TMIGD1: variants seen among roughly 807,000 people sequenced by gnomAD.
TMIGD1 encodes the protein transmembrane and immunoglobulin domain containing 1.
Under a neutral mutation model 27.5 loss-of-function variants are expected in TMIGD1, and 29 were observed. That is an observed-to-expected ratio of 1.05 (90% CI 0.78 to 1.44). TMIGD1 has a LOEUF of 1.44. Ranked by LOEUF, TMIGD1 falls within the 40% of genes most tolerant of loss-of-function variation. TMIGD1 has a pLI of 0.00. For missense variants in TMIGD1, 334 were observed against 310.6 expected, an observed-to-expected ratio of 1.08 and a Z score of -0.57; for synonymous variants, 109 against 110.3, an observed-to-expected ratio of 0.99 and a Z score of 0.07.
At chr17:30,326,381 A>G (rs554717227) in intron 3 of TMIGD1, among the ~76,000 whole-genome samples, 1 of 152,298 alleles carries the variant, frequency 6.6e-6, no homozygotes, top group East Asian at 1.9e-4. Context: ...CCCCAGAGAT[A>G]CCCACTGTTA....
At chr17:30,333,220 G>A (rs929024016) in intron 1 of TMIGD1, among the ~76,000 whole-genome samples, 7 of 150,832 alleles carry the variant, frequency 4.6e-5, no homozygotes, top group Non-Finnish European at 7.4e-5. Context: ...CTGAGGTCAG[G>A]AGTTTGAGAC....
chr17:30,332,966 C>T (rs1308675027), intron 1 of TMIGD1, among the ~76,000 whole-genome samples: 5 of 152,208 alleles, frequency 3.3e-5, no homozygotes, highest in Non-Finnish European at 5.9e-5. Context: ...CTCCTGAGGT[C>T]GTTTCTATAG....
Position 30,329,412 on chromosome 17 carries a change from C to A in TMIGD1, c.200G>T (p.Trp67Leu), listed in dbSNP as rs369775545. 104 of 1,614,198 alleles carry A rather than the reference C, an allele frequency of 6.4e-5. No homozygotes were observed. The highest frequency in any genetic ancestry group is 3.3e-4 in the Middle Eastern group (2 of 6,062). ...ATCCACTCTCCCCTCCTCTCGGTACCAGAGCAGTTCTTCCTCTCTGGTGTG... is the reference window on the plus strand; with the variant it reads ...ATCCACTCTCCCCTCCTCTCGGTACAAGAGCAGTTCTTCCTCTCTGGTGTG... ...QNHTREEELL[W>L]YREEGRVDLK... Residue 67 changes from tryptophan to leucine, a missense_variant, in exon 3 of 7, where the codon TGG becomes TTG. Physicochemically the swap from Trp to Leu is moderately conservative, Grantham distance 61. Transcript: ENST00000328886.
Position 30,329,538 on chromosome 17 carries a change from A to T in TMIGD1, c.83-9T>A, listed in dbSNP as rs1340955596. ...CACAGTTAAAACAGAACCTGGGAGT[A>T]TAGGGAGAAACTATTTAGATATACA... On this transcript the variant is annotated splice_polypyrimidine_tract_variant and intron_variant, in intron 2 of 6. Transcript: ENST00000328886. 2 of 1,603,790 alleles carry T rather than the reference A, an allele frequency of 1.2e-6. No individual in the cohort carries two copies. The highest frequency in any genetic ancestry group is 1.3e-5 in the African/African-American group (1 of 74,638).
chr17:30,318,324 T>C (rs990034554), intron 5 of TMIGD1, among the ~76,000 whole-genome samples: 4 of 152,180 alleles, frequency 2.6e-5, no homozygotes, highest in African/African-American at 7.2e-5. Flanking sequence ...AACCTAAGCA[T>C]GCACGTATTC....
Position 30,324,903 on chromosome 17 carries a change from CTT to C in TMIGD1, c.551_552del (p.Lys184SerfsTer5), listed in dbSNP as rs1909724931. On this transcript the variant is annotated frameshift_variant, in exon 4 of 7. Transcript: ENST00000328886. LOFTEE classifies it high-confidence loss of function. Reference sequence around the variant, plus strand: ...TAGGTTCCGTTGTCAGGCTTCTCGACTTTGGTGATTGACAGCTGAAAAGACTC... The same window carrying C: ...TAGGTTCCGTTGTCAGGCTTCTCGACTGGTGATTGACAGCTGAAAAGACTC... ...TSESFQLSIT[K>X]VEKPDNGTYS... 1 of 1,614,176 alleles carries C rather than the reference CTT, an allele frequency of 6.2e-7. No homozygotes were observed. Among genetic ancestry groups the C allele is most frequent in the Non-Finnish European group, 8.5e-7 (1 of 1,180,016 alleles).
chr17:30,319,261 A>AAATATATATATATATATAT, intron 4 of TMIGD1, among the ~76,000 whole-genome samples: 5 of 69,040 alleles, frequency 7.2e-5, no homozygotes, highest in East Asian at 2.6e-4. Context: ...AAAAAAAAAA[A>AAATATATATATATATATAT]ATATATATAT....
chr17:30,318,607 C>G, intron 5 of TMIGD1, among the ~76,000 whole-genome samples: 1 of 152,198 alleles, frequency 6.6e-6, no homozygotes, highest in South Asian at 2.1e-4. Flanking sequence ...TGCCCATGTG[C>G]ACTTCTCTTC....
chr17:30,325,201 CA>C (rs1909738966), intron 3 of TMIGD1, 107 bp from the exon 4 acceptor site: 4 of 1,252,202 alleles, frequency 3.2e-6, no homozygotes, highest in Non-Finnish European at 3.3e-6. Flanking sequence ...ATTCATTTGA[CA>C]AAAATTTATT....
rs754913474 is a variant in TMIGD1, at chr17:30,324,926, G to C, written c.530C>G (p.Ser177Cys). 13 of 1,614,180 alleles carry C rather than the reference G, an allele frequency of 8.1e-6. No homozygotes were observed. The highest frequency in any genetic ancestry group is 1.0e-5 in the Non-Finnish European group (12 of 1,180,014). The change falls in exon 4 of 7, where the codon TCT becomes TGT. Residue 177 changes from serine to cysteine, a missense_variant. By Grantham distance (112) the Ser-to-Cys change is moderately radical. Coordinates refer to ENST00000328886, the MANE Select transcript of TMIGD1 (RefSeq NM_206832.3). ...GACTTTGGTGATTGACAGCTGAAAA[G>C]ACTCACTTGTCTGTTGGATTTGGTG... ...SRHQIQQTSE[S>C]FQLSITKVEK...
In TMIGD1 at chr17:30,316,535, T is replaced by A. The variant is rs1204312898; in HGVS notation, c.*152A>T. ...TCCATAAAAATGTTCCACAAGTGTA[T>A]CAAATTAGTCCTAACAACTACTGTT... On this transcript the variant is annotated 3_prime_UTR_variant, in exon 7 of 7. Coordinates refer to ENST00000328886, the MANE Select transcript of TMIGD1 (RefSeq NM_206832.3). 9 of 702,076 alleles carry A rather than the reference T, an allele frequency of 1.3e-5. No individual in the cohort carries two copies. Among genetic ancestry groups the A allele is most frequent in the Non-Finnish European group, 2.1e-5 (9 of 424,812 alleles). 43.5% of individuals were successfully genotyped at this position (702,076 alleles called of 1,614,324 possible).
chr17:30,324,271 T>C (rs972396504), intron 4 of TMIGD1, among the ~76,000 whole-genome samples: 2 of 152,154 alleles, frequency 1.3e-5, no homozygotes, highest in Non-Finnish European at 2.9e-5. Flanking sequence ...CAGAGCATCA[T>C]TTGTTCTGTC....
rs561852802 is a variant in TMIGD1, at chr17:30,327,952, G to A, written c.361+1299C>T. The stretch of plus-strand genomic sequence containing the variant: ...CTAAGCCTATACAGTTCTACCAATG[G>A]GTTACCAATACCTGGAACCCAATCA... On this transcript the variant is annotated intron_variant, in intron 3 of 6. Coordinates refer to ENST00000328886, the MANE Select transcript of TMIGD1 (RefSeq NM_206832.3). Among the ~76,000 whole-genome samples the A allele has an allele frequency of 3.3e-5, 5 of 151,988 alleles. No homozygotes were observed. In the South Asian group the frequency reaches 1.0e-3, roughly 32 times the overall value.
chr17:30,324,758 A>G, intron 4 of TMIGD1, 58 bp downstream of exon 4: 1 of 1,542,286 alleles, frequency 6.5e-7, no homozygotes, highest in Non-Finnish European at 8.9e-7. Context: ...AGAAATATTC[A>G]CTGAGCATCT....
chr17:30,327,045 T>TACACACACACACAC (rs60346282), intron 3 of TMIGD1, among the ~76,000 whole-genome samples: 4 of 146,590 alleles, frequency 2.7e-5, no homozygotes, highest in African/African-American at 5.0e-5. Flanking sequence ...CAATTAACTA[T>TACACACACACACAC]ACACACACAC....
At chr17:30,325,789 GTCC>G (rs1398397659) in intron 3 of TMIGD1, among the ~76,000 whole-genome samples, 4 of 152,034 alleles carry the variant, frequency 2.6e-5, no homozygotes, top group African/African-American at 9.7e-5. Flanking sequence ...TAGAAATAAT[GTCC>G]TCCTCCCAGA....
chr17:30,317,125 G>A, intron 6 of TMIGD1, 68 bp downstream of exon 6: 1 of 1,517,796 alleles, frequency 6.6e-7, no homozygotes, highest in Non-Finnish European at 9.2e-7. Flanking sequence ...AGTTTGTCTA[G>A]AGTGATGCAT....
chr17:30,317,551 G>T (rs1372791799), intron 5 of TMIGD1, among the ~76,000 whole-genome samples: 1 of 152,072 alleles, frequency 6.6e-6, no homozygotes, highest in Non-Finnish European at 1.5e-5. Context: ...TTGAGGTCAG[G>T]ATTTCAAGAC....
intron 4 of TMIGD1, among the ~76,000 whole-genome samples, chr17:30,322,450 C>A (rs564892544): frequency 2.6e-5 from 4 of 152,258 alleles, no homozygotes; most frequent in Admixed American, 2.6e-4. Flanking sequence ...TTTTACCAAG[C>A]CAGATAAAAT....
Sources: gnomAD v4.1 joint callset for allele counts (sites outside exome capture counted in the v4.1 genomes callset) on GRCh38, gnomAD v4.1.1 for gene constraint, MANE v1.5 for transcripts, NCBI Gene and HGNC (gene_info 2026-07-23, HGNC 2026-07-21) for gene names.